BDNF: variants seen among roughly 807,000 people sequenced by gnomAD.
The protein encoded by BDNF is brain derived neurotrophic factor.
BDNF carries 1 observed loss-of-function variant against 19.5 expected under a neutral mutation model. The ratio of observed to expected loss-of-function variants is 0.05; its 90% CI spans 0.02 to 0.24. The LOEUF is 0.24. BDNF is among the 10% of genes least tolerant of loss of function. The probability of loss-of-function intolerance (pLI) is 1.00; values close to 1 mark genes in which losing one functional copy is unlikely to be tolerated. For missense variants in BDNF, 195 were observed against 317.6 expected (o/e 0.61, Z 2.93); for synonymous variants, 100 against 121.6 (o/e 0.82, Z 1.17).
At chr11:27,715,336 A>G (rs566973367) in intron 1 of BDNF, among the ~76,000 whole-genome samples, 9 of 152,342 alleles carry the variant, frequency 5.9e-5, no homozygotes, top group African/African-American at 2.2e-4. Context: ...GAGCTGGGCT[A>G]AGTGACCTCT....
intron 1 of BDNF, chr11:27,675,675 G>A (rs1856004309): frequency 1.3e-5 from 2 of 152,062 alleles, no homozygotes; most frequent in Non-Finnish European, 2.9e-5. Flanking sequence ...TGTGGCTAAG[G>A]GGCTAAGATG....
chr11:27,671,002 C>T (rs1458628191), intron 1 of BDNF, among the ~76,000 whole-genome samples: 1 of 152,094 alleles, frequency 6.6e-6, no homozygotes, highest in Non-Finnish European at 1.5e-5. Flanking sequence ...TACTTGGAGC[C>T]AACCAAATGT....
At chr11:27,708,025 T>A (rs1007893760) in intron 1 of BDNF, among the ~76,000 whole-genome samples, 3 of 152,230 alleles carry the variant, frequency 2.0e-5, no homozygotes, top group Non-Finnish European at 2.9e-5. Context: ...ACACTTCCTT[T>A]ATTACCAGAT....
At chr11:27,667,236 C>T (rs924914782) in intron 1 of BDNF, among the ~76,000 whole-genome samples, 4 of 152,084 alleles carry the variant, frequency 2.6e-5, no homozygotes, top group African/African-American at 4.8e-5. Context: ...TTGTCACCAC[C>T]AGGCCTGCCT....
exon 1 of BDNF, chr11:27,721,948 G>A (rs7929344): frequency 0.073 from 11,231 of 154,628 alleles, 1,401 homozygotes; most frequent in African/African-American, 0.26. Flanking sequence ...ATTCGGCTCG[G>A]GAGATTTCCC....
intron 1 of BDNF, among the ~76,000 whole-genome samples, chr11:27,677,971 G>T (rs765143583): frequency 1.3e-5 from 2 of 152,158 alleles, no homozygotes; most frequent in Non-Finnish European, 2.9e-5. Flanking sequence ...TTCCCTAGAA[G>T]AAACTGATTC....
At chr11:27,680,900 C>T (rs947926748) in intron 1 of BDNF, among the ~76,000 whole-genome samples, 1 of 152,072 alleles carries the variant, frequency 6.6e-6, no homozygotes, top group Admixed American at 6.6e-5. Context: ...AATAAGTTGC[C>T]AAATAAGAAT....
At chr11:27,671,421 GGAGA>G (rs751136447) in intron 1 of BDNF, among the ~76,000 whole-genome samples, 4 of 152,014 alleles carry the variant, frequency 2.6e-5, no homozygotes, top group African/African-American at 7.2e-5. Flanking sequence ...TGGAAATGGT[GGAGA>G]GAGAGACAGA....
Position 27,670,393 on chromosome 11 carries a change from G to A in BDNF, c.-21-11808C>T, listed in dbSNP as rs1482461272. Among the ~76,000 whole-genome samples the A allele has an allele frequency of 3.3e-5, 5 of 152,148 alleles. No homozygotes were observed. In the East Asian group the frequency reaches 9.6e-4, roughly 29 times the overall value. On this transcript the variant is annotated intron_variant, in intron 1 of 1. Transcript: ENST00000356660. ...AACACCAAAAGCAATGGCAACAAAA[G>A]CCAAAATTGACAAATGGGATCTAAT...
chr11:27,688,292 G>A (rs1484207350), intron 1 of BDNF, among the ~76,000 whole-genome samples: 1 of 152,194 alleles, frequency 6.6e-6, no homozygotes, highest in Non-Finnish European at 1.5e-5. Context: ...TTGACTTCAG[G>A]CAGCTGTGCT....
rs1275479703 is a variant in BDNF, at chr11:27,657,792, T to A, written c.*29A>T. On this transcript the variant is annotated 3_prime_UTR_variant, in exon 2 of 2. Transcript: ENST00000356660. This position sits in a 1 kb window ranked among gnomAD's most constrained non-coding sequence, Gnocchi z 5.0. ...TACAAATAGATAATTTTTGTCTCAA[T>A]ATAATCTAATCTATACAACATAAAT... 2 of 1,609,712 alleles carry A rather than the reference T, an allele frequency of 1.2e-6. No homozygotes were observed. Among genetic ancestry groups the A allele is most frequent in the East Asian group, 4.5e-5 (2 of 44,866 alleles).
upstream of BDNF, among the ~76,000 whole-genome samples, chr11:27,703,888 A>G (rs963815080): frequency 6.6e-6 from 1 of 152,220 alleles, no homozygotes; most frequent in Non-Finnish European, 1.5e-5. Flanking sequence ...ATTTGCCTTA[A>G]AAGTACATCT....
rs773221711 is a variant in BDNF, at chr11:27,705,983, AGTTTT to A, written c.3+15424_3+15428del. On this transcript the variant is annotated intron_variant, in intron 1 of 1. Transcript: ENST00000314915. ...ACTTGCAAATTTGTTAAGTCTAGGA[AGTTTT>A]GTTTTGTTTTATTTTCCCTTGCCGT... Among the ~76,000 whole-genome samples, 29 of 152,294 alleles carry A rather than the reference AGTTTT, an allele frequency of 1.9e-4. No individual in the cohort carries two copies. In the East Asian group the frequency reaches 3.5e-3, roughly 18 times the overall value.
At chr11:27,668,059 A>C (rs1168704277) in intron 1 of BDNF, among the ~76,000 whole-genome samples, 1 of 152,206 alleles carries the variant, frequency 6.6e-6, no homozygotes, top group East Asian at 1.9e-4. Flanking sequence ...AGAAATTATA[A>C]CAAACTGCCT....
chr11:27,672,921 GGTT>G (rs1855591025), intron 1 of BDNF, among the ~76,000 whole-genome samples: 1 of 152,128 alleles, frequency 6.6e-6, no homozygotes, highest in African/African-American at 2.4e-5. Context: ...AGACTGCAAA[GGTT>G]GTTTGTTTCC....
At chr11:27,695,621 A>G (rs1858890998) in intron 1 of BDNF, among the ~76,000 whole-genome samples, 1 of 152,176 alleles carries the variant, frequency 6.6e-6, no homozygotes. Flanking sequence ...CCTTTGGGGA[A>G]AACTATATAA....
intron 1 of BDNF, chr11:27,721,406 A>G: frequency 6.2e-7 from 1 of 1,614,084 alleles, no homozygotes; most frequent in Non-Finnish European, 8.5e-7. Flanking sequence ...TTTTATTGCT[A>G]CTCACCATTG....
intron 1 of BDNF, chr11:27,699,689 G>A: frequency 1.4e-6 from 2 of 1,405,172 alleles, no homozygotes; most frequent in East Asian, 2.6e-5. Context: ...GAAGGGATGC[G>A]GGCTGAAGGC....
rs139027670 is a variant in BDNF, at chr11:27,692,558, G to A, written c.-22+7606C>T. Among the ~76,000 whole-genome samples, 474 of 152,124 alleles carry A rather than the reference G, an allele frequency of 3.1e-3. 2 individuals carry two copies. The highest frequency in any genetic ancestry group is 0.011 in the African/African-American group (449 of 41,518). ...GGGTCTTGCTATGTTGTCCAGACTC[G>A]TAATGATCTCCTGGGCTCAAGTGAT... On this transcript the variant is annotated intron_variant, in intron 1 of 1. Coordinates refer to ENST00000356660, the MANE Select transcript of BDNF (RefSeq NM_001709.5).
Sources: allele counts gnomAD v4.1 joint callset (sites outside exome capture counted in the v4.1 genomes callset), GRCh38; gene constraint gnomAD v4.1.1; non-coding constraint Gnocchi (gnomAD v3.1); transcripts MANE v1.5; gene names NCBI Gene and HGNC (gene_info 2026-07-23, HGNC 2026-07-21).